Variants in GNAT2 observed in about 807,000 individuals in gnomAD.
The protein encoded by GNAT2 is G protein subunit alpha transducin 2.
A neutral mutation model predicts 40.9 loss-of-function variants in GNAT2; 32 were observed. The observed-to-expected ratio is 0.78, with a 90% CI of 0.59 to 1.05. The LOEUF is 1.05. Among genes scored for constraint, GNAT2 ranks in the 50% least tolerant of loss-of-function variants. The pLI is 0.00. For missense variants in GNAT2, 355 were observed against 431.5 expected, an observed-to-expected ratio of 0.82 and a Z score of 1.57; for synonymous variants, 141 against 157.2, an observed-to-expected ratio of 0.90 and a Z score of 0.77.
chr1:109,612,819 C>T lies in GNAT2; in HGVS notation c.52G>A (p.Glu18Lys), dbSNP rs772922679. The T allele has an allele frequency of 2.5e-6, 4 of 1,613,746 alleles. No homozygotes were observed. The highest frequency in any genetic ancestry group is 2.5e-6 in the Non-Finnish European group (3 of 1,179,658). Residue 18 changes from glutamate to lysine, a missense_variant, in exon 2 of 9, where the codon GAG becomes AAG. By Grantham distance (56) the Glu-to-Lys change is moderately conservative. Transcript: ENST00000679935. ...EDKELAKRSK[E>K]LEKKLQEDAD... Reference sequence around the variant, plus strand: ...TCCTCCTGCAGCTTCTTTTCTAGCTCCTTGGACCTCTTGGCCAGTTCTTTG... The same window carrying T: ...TCCTCCTGCAGCTTCTTTTCTAGCTTCTTGGACCTCTTGGCCAGTTCTTTG...
rs1470930572 is a variant in GNAT2, at chr1:109,606,397, G to T, written c.501C>A (p.Tyr167Ter). Residue 167 changes from tyrosine to a stop codon, truncating the protein, a stop_gained, in exon 6 of 9, where the codon TAC (tyrosine) becomes TAA (stop). Transcript: ENST00000679935. LOFTEE classifies it high-confidence loss of function. ...NQLERITDPE[Y>*]LPSEQDVLRS... ...GGAGCACATCTTGCTCACTAGGGAG[G>T]TACTCAGGGTCTGTAATTCGTTCTA... 6.2e-7 allele frequency: 1 copy of T among 1,611,062 alleles called. No homozygotes were observed. Among genetic ancestry groups the T allele is most frequent in the Non-Finnish European group, 8.5e-7 (1 of 1,177,214 alleles).
chr1:109,603,952 A>G lies in GNAT2; in HGVS notation c.873T>C (p.Asp291=), dbSNP rs1243932107. The G allele has an allele frequency of 1.2e-6, 2 of 1,600,098 alleles. No individual in the cohort carries two copies. The highest frequency in any genetic ancestry group is 1.1e-5 in the South Asian group (1 of 90,758). ...VHLSICFPEY[D]GNNSYDDAGN... is the part of the protein sequence containing the mutation. ...TTATTTCCAGCCCCTGACACTTACC[A>G]TCATACTCTGGAAAACAAATGCTGA... The change falls in exon 8 of 9, where the codon GAT becomes GAC. Residue 291 remains aspartate (D), a splice_region_variant and synonymous_variant. Transcript: ENST00000679935.
chr1:109,615,853 C>T (rs1418651909), intron 1 of GNAT2: 1 of 152,264 alleles, frequency 6.6e-6, no homozygotes, highest in African/African-American at 2.4e-5. Context: ...CTATTACTTC[C>T]ACATAAGTAG....
rs763912191 is a variant in GNAT2, at chr1:109,610,050, G to C, written c.293C>G (p.Pro98Arg). 2.5e-5 allele frequency: 40 copies of C among 1,613,878 alleles called. No homozygotes were observed. Among genetic ancestry groups the C allele is most frequent in the Middle Eastern group, 1.6e-4 (1 of 6,082 alleles). ...MTTLGIDYAE[P>R]SCADDGRQLN... ...ATAGTAATCACATACCGCACAGCTT[G>C]GTTCAGCATAATCGATGCCCAGTGT... The change falls in exon 4 of 9, where the codon CCA (proline) becomes CGA (arginine). Residue 98 changes from proline (P) to arginine (R), a missense_variant. Transcript: ENST00000679935.
chr1:109,617,812 C>A (rs1224734199), intron 1 of GNAT2: 1 of 152,224 alleles, frequency 6.6e-6, no homozygotes, highest in Non-Finnish European at 1.5e-5. Flanking sequence ...ATGCAAGATA[C>A]TATCTTTAAA....
intron 2 of GNAT2, chr1:109,612,536 T>C (rs1246359928): frequency 3.5e-6 from 2 of 572,670 alleles, no homozygotes; most frequent in Non-Finnish European, 6.3e-6. Context: ...AGAAAAACTC[T>C]GGAATAGCCT....
chr1:109,617,948 C>G (rs1183818285), intron 1 of GNAT2: 1 of 152,076 alleles, frequency 6.6e-6, no homozygotes, highest in East Asian at 1.9e-4. Context: ...CTAAGCGCCC[C>G]AAGACCAATT....
At chr1:109,609,036 C>T (rs1570564429) in intron 4 of GNAT2, 1 of 539,002 alleles carries the variant, frequency 1.9e-6, no homozygotes, top group East Asian at 3.4e-5. Flanking sequence ...CAGGTATTTC[C>T]TCTCTGGAGT....
At chr1:109,618,004 G>A (rs1423301849) in intron 1 of GNAT2, 1 of 152,194 alleles carries the variant, frequency 6.6e-6, no homozygotes, top group African/African-American at 2.4e-5. Flanking sequence ...CTGGGGTTAA[G>A]ACCCCGGGAA....
At chr1:109,604,161 A>G in intron 7 of GNAT2, 57 bp from the exon 8 acceptor site, 1 of 1,341,930 alleles carries the variant, frequency 7.5e-7, no homozygotes, top group Non-Finnish European at 1.1e-6. Context: ...ATATCTACCT[A>G]CTTCCTGCTC....
At chr1:109,606,595 A>G (rs957841633) in intron 5 of GNAT2, 159 bp from the exon 6 acceptor site, 18 of 656,624 alleles carry the variant, frequency 2.7e-5, no homozygotes, top group Middle Eastern at 2.8e-4. Context: ...AAACCTTCAT[A>G]TGTCATTAAC....
In GNAT2 at chr1:109,604,003, A is replaced by T. The variant is rs1157859801; in HGVS notation, c.822T>A (p.Phe274Leu). 6.2e-7 allele frequency: 1 copy of T among 1,610,564 alleles called. No individual in the cohort carries two copies. The highest frequency in any genetic ancestry group is 1.3e-5 in the African/African-American group (1 of 74,860). ...IVLFLNKKDL[F>L]EEKIKKVHLS... ...GATGGACTTTCTTGATTTTTTCCTC[A>T]AAGAGGTCCTTCTTGTTGAGAAAGA... is the stretch of plus-strand genomic sequence containing the variant. Residue 274 changes from phenylalanine (F) to leucine (L), a missense_variant, in exon 8 of 9, where the codon TTT (phenylalanine) becomes TTA (leucine). Physicochemically the swap from Phe to Leu is conservative, Grantham distance 22 (BLOSUM62 0). Transcript: ENST00000679935.
At chr1:109,606,197 A>G in intron 6 of GNAT2, 98 bp from the exon 7 acceptor site, 1 of 1,571,500 alleles carries the variant, frequency 6.4e-7, no homozygotes, top group Non-Finnish European at 8.8e-7. Flanking sequence ...AAGGGGGAGA[A>G]GCAGAACAGT....
At chr1:109,618,029 G>A (rs985845380) in intron 1 of GNAT2, 1 of 152,180 alleles carries the variant, frequency 6.6e-6, no homozygotes, top group African/African-American at 2.4e-5. Flanking sequence ...GGGTTGGGGG[G>A]ACTGTGGAGG....
intron 1 of GNAT2, chr1:109,613,398 A>G (rs977263421): frequency 5.4e-6 from 1 of 185,922 alleles, no homozygotes; most frequent in African/African-American, 2.4e-5. Flanking sequence ...AGGGTATCAA[A>G]GCATACTCGT....
At chr1:109,603,795 A>C in intron 8 of GNAT2, 156 bp downstream of exon 8, 1 of 701,244 alleles carries the variant, frequency 1.4e-6, no homozygotes, top group Non-Finnish European at 2.5e-6. Flanking sequence ...TCCTGCATCT[A>C]ATGCCTGCTG....
At chr1:109,604,351 T>C (rs1358924386) in intron 7 of GNAT2, 5 of 519,116 alleles carry the variant, frequency 9.6e-6, no homozygotes, top group East Asian at 3.5e-5. Context: ...TCCTATCTTA[T>C]AGGGTTACAA....
chr1:109,606,893 A>G (rs1557919097), intron 5 of GNAT2: 1 of 201,694 alleles, frequency 5.0e-6, no homozygotes, highest in Non-Finnish European at 1.0e-5. Context: ...ACTTGGTGAT[A>G]TTTGATGCTA....
intron 2 of GNAT2, chr1:109,610,885 T>C (rs1649772159): frequency 2.9e-6 from 1 of 346,116 alleles, no homozygotes; most frequent in African/African-American, 2.1e-5. Context: ...CACTAACAGA[T>C]TCAGGGGGAG....
Sources: gnomAD v4.1 joint callset for allele counts on GRCh38, gnomAD v4.1.1 for gene constraint, MANE v1.5 for transcripts, NCBI Gene and HGNC (gene_info 2026-07-23, HGNC 2026-07-21) for gene names.